HCN1: variants seen among roughly 807,000 people sequenced by gnomAD.
The protein encoded by HCN1 is hyperpolarization activated cyclic nucleotide gated potassium channel 1.
Under a neutral mutation model 78.9 loss-of-function variants are expected in HCN1, and 13 were observed. The observed-to-expected ratio is 0.16, with a 90% confidence interval of 0.11 to 0.26. The LOEUF (loss-of-function observed/expected upper bound fraction) is 0.26. Ranked by LOEUF, HCN1 falls within the 10% of genes least tolerant of loss-of-function variation. HCN1 has a pLI of 1.00. For missense variants in HCN1, 810 were observed against 1,154.3 expected (o/e 0.70, Z 4.32); for synonymous variants, 552 against 455.5 (o/e 1.21, Z -2.70).
chr5:45,438,034 T>C (rs1740594199), intron 3 of HCN1, among the ~76,000 whole-genome samples: 2 of 152,208 alleles, frequency 1.3e-5, no homozygotes, highest in Admixed American at 6.5e-5. Flanking sequence ...GAACCCAAGA[T>C]AGAAGGTGAC....
intron 4 of HCN1, among the ~76,000 whole-genome samples, chr5:45,373,919 A>G (rs1747506441): frequency 1.5e-5 from 2 of 131,376 alleles, no homozygotes; most frequent in Admixed American, 1.8e-4. Flanking sequence ...CATACGGTAT[A>G]TACATCATAT....
chr5:45,659,925 C>A (rs1034977898), intron 1 of HCN1, among the ~76,000 whole-genome samples: 1 of 144,576 alleles, frequency 6.9e-6, no homozygotes, highest in Non-Finnish European at 1.5e-5. Context: ...CAAGGCAGGC[C>A]AACGTTCAGA....
At position 45,586,570 on chromosome 5, in the gene HCN1, G is replaced by A. The variant is rs188665289; in HGVS notation, c.849+58615C>T. On this transcript the variant is annotated intron_variant, in intron 2 of 7. Coordinates refer to ENST00000303230, the MANE Select transcript of HCN1 (RefSeq NM_021072.4). ...TGACACTCCCCAGTAAGATGAACCC[G>A]GTACCTCAGTTGGAAATGCAGAAAT... Among the ~76,000 whole-genome samples, 271 of 152,164 alleles carry A rather than the reference G, an allele frequency of 1.8e-3. 2 individuals carry two copies. Among genetic ancestry groups the A allele is most frequent in the African/African-American group, 6.1e-3 (253 of 41,524 alleles).
intron 3 of HCN1, among the ~76,000 whole-genome samples, chr5:45,421,206 G>A (rs1267610926): frequency 6.6e-6 from 1 of 152,042 alleles, no homozygotes; most frequent in Non-Finnish European, 1.5e-5. Flanking sequence ...GGGACTACAG[G>A]CGCCAGCCAC....
intron 2 of HCN1, among the ~76,000 whole-genome samples, chr5:45,592,148 C>T (rs1234256052): frequency 6.6e-6 from 1 of 152,050 alleles, no homozygotes; most frequent in African/African-American, 2.4e-5. Context: ...CCAGATTGAT[C>T]TATTTCTCTC....
chr5:45,328,236 C>T (rs921507459), intron 5 of HCN1, among the ~76,000 whole-genome samples: 16 of 151,392 alleles, frequency 1.1e-4, no homozygotes, highest in African/African-American at 3.2e-4. Flanking sequence ...TCGCAGTTTG[C>T]GGTGCCACAG....
At chr5:45,417,692 G>A (rs1740144185) in intron 3 of HCN1, among the ~76,000 whole-genome samples, 1 of 132,804 alleles carries the variant, frequency 7.5e-6, no homozygotes, top group African/African-American at 2.9e-5. Flanking sequence ...ATTTAGCCAA[G>A]CAGACAAAAG....
intron 2 of HCN1, among the ~76,000 whole-genome samples, chr5:45,555,656 G>T (rs957912792): frequency 7.3e-5 from 11 of 151,462 alleles, no homozygotes; most frequent in African/African-American, 2.7e-4. Context: ...ATACTACAAA[G>T]CTATGGTAAG....
intron 3 of HCN1, among the ~76,000 whole-genome samples, chr5:45,423,408 AACTTACTCT>A (rs369797980): frequency 1.1e-3 from 164 of 152,142 alleles, no homozygotes; most frequent in African/African-American, 3.7e-3. Flanking sequence ...CTACCTTTCT[AACTTACTCT>A]ATTTCAATCA....
chr5:45,563,995 A>C (rs1431073652), intron 2 of HCN1, among the ~76,000 whole-genome samples: 3 of 152,174 alleles, frequency 2.0e-5, no homozygotes, highest in African/African-American at 7.2e-5. Flanking sequence ...CTTACAACTG[A>C]GGTGACATAT....
intron 4 of HCN1, among the ~76,000 whole-genome samples, chr5:45,389,281 T>G (rs1747991708): frequency 6.6e-6 from 1 of 152,092 alleles, no homozygotes; most frequent in Admixed American, 6.6e-5. Flanking sequence ...ATGTCTTACT[T>G]CTCATCTTTC....
At position 45,496,473 on chromosome 5, in the gene HCN1, A is replaced by G. The variant is rs563173486; in HGVS notation, c.850-34466T>C. Among the ~76,000 whole-genome samples, 206 of 152,306 alleles carry G rather than the reference A, an allele frequency of 1.4e-3. 1 individual carries two copies. The highest frequency in any genetic ancestry group is 2.6e-3 in the Non-Finnish European group (175 of 68,022). On this transcript the variant is annotated intron_variant, in intron 2 of 7. Transcript: ENST00000303230. ...AGTTCCTCCTTGTACCACTGGTAGA[A>G]GTTGGCTGTGAATCCATCTGGTCCT...
At chr5:45,628,123 A>C (rs1745202500) in intron 2 of HCN1, among the ~76,000 whole-genome samples, 1 of 152,238 alleles carries the variant, frequency 6.6e-6, no homozygotes, top group Non-Finnish European at 1.5e-5. Flanking sequence ...TGGTGGCATA[A>C]GCAAACAATA....
At chr5:45,270,327 G>A (rs1318516689) in intron 6 of HCN1, among the ~76,000 whole-genome samples, 2 of 152,188 alleles carry the variant, frequency 1.3e-5, no homozygotes, top group Non-Finnish European at 2.9e-5. Flanking sequence ...AGCCTTAGCT[G>A]CAAGAAAGGA....
intron 5 of HCN1, among the ~76,000 whole-genome samples, chr5:45,336,762 TG>T (rs1746464797): frequency 6.6e-6 from 1 of 152,080 alleles, no homozygotes; most frequent in Admixed American, 6.6e-5. Flanking sequence ...TGGCAGACTT[TG>T]TCTAGTGAGG....
At chr5:45,560,904 T>A (rs1190931023) in intron 2 of HCN1, among the ~76,000 whole-genome samples, 4 of 152,078 alleles carry the variant, frequency 2.6e-5, no homozygotes, top group African/African-American at 4.8e-5. Flanking sequence ...AGCGTGGAAG[T>A]TTTTTAACTG....
intron 3 of HCN1, among the ~76,000 whole-genome samples, chr5:45,430,546 A>G (rs753212349): frequency 4.0e-5 from 6 of 151,826 alleles, no homozygotes; most frequent in Non-Finnish European, 8.8e-5. Flanking sequence ...ATGTGGTATT[A>G]TTCTTTCTCT....
intron 2 of HCN1, among the ~76,000 whole-genome samples, chr5:45,504,168 G>A (rs982672411): frequency 9.9e-5 from 15 of 152,014 alleles, no homozygotes; most frequent in African/African-American, 1.7e-4. Flanking sequence ...TGTTACATAT[G>A]TATACATGTG....
At chr5:45,465,277 A>C (rs1741244622) in intron 2 of HCN1, among the ~76,000 whole-genome samples, 1 of 152,070 alleles carries the variant, frequency 6.6e-6, no homozygotes, top group African/African-American at 2.4e-5. Flanking sequence ...AAAATCAAAA[A>C]CTTCACTATT....
Sources: allele counts gnomAD v4.1 joint callset (sites outside exome capture counted in the v4.1 genomes callset), GRCh38; gene constraint gnomAD v4.1.1; transcripts MANE v1.5; gene names NCBI Gene and HGNC (gene_info 2026-07-23, HGNC 2026-07-21).